The following ACO2 variants were observed in gnomAD, a reference collection of about 807,000 sequenced individuals.
ACO2 encodes aconitase 2.
In ACO2, 31 loss-of-function variants were observed where a neutral mutation model predicts 84.5. The observed-to-expected ratio is 0.37, with a 90% CI of 0.28 to 0.50. ACO2 has a LOEUF of 0.50. Ranked by LOEUF, ACO2 falls within the 20% of genes least tolerant of loss-of-function variation. ACO2 has a pLI of 0.97. For synonymous variants in ACO2, 414 were observed against 412.7 expected, an observed-to-expected ratio of 1.00 and a Z score of -0.04; for missense variants, 685 against 1,029.3, an observed-to-expected ratio of 0.67 and a Z score of 4.58.
rs375439516 is a variant in ACO2, at chr22:41,508,063, G to A, written c.432+14G>A. ...CGCCGGGCCAAGGTGAGCAGAAGGT[G>A]GCTTTGGGGGTGGGCAAGTGGGCAA... is the stretch of plus-strand genomic sequence containing the variant. On this transcript the variant is annotated intron_variant, in intron 3 of 17. Coordinates refer to ENST00000216254, the MANE Select transcript of ACO2 (RefSeq NM_001098.3). 28 of 1,601,054 alleles carry A rather than the reference G, an allele frequency of 1.7e-5. No individual in the cohort carries two copies. Among genetic ancestry groups the A allele is most frequent in the Non-Finnish European group, 2.4e-5 (28 of 1,170,070 alleles).
chr22:41,510,398 TATTA>T (rs2066425165), intron 3 of ACO2, among the ~76,000 whole-genome samples: 1 of 152,230 alleles, frequency 6.6e-6, no homozygotes, highest in Admixed American at 6.5e-5. Flanking sequence ...AAAGCTGATG[TATTA>T]ATTATTAATT....
At chr22:41,472,982 G>T (rs924402273) in intron 1 of ACO2, among the ~76,000 whole-genome samples, 1 of 152,212 alleles carries the variant, frequency 6.6e-6, no homozygotes, top group African/African-American at 2.4e-5. Context: ...ATATTTGGCA[G>T]AAACTCTGTG....
chr22:41,492,033 T>C lies in ACO2; in HGVS notation c.37-7693T>C, dbSNP rs568369216. ...AGAGACCTGAGCTTGCATCCTGGAG[T>C]CAACTGCATACCAGCTATCGAATTC... On this transcript the variant is annotated intron_variant, in intron 1 of 17. Coordinates refer to ENST00000216254, the MANE Select transcript of ACO2 (RefSeq NM_001098.3). 4.6e-5 allele frequency among the ~76,000 whole-genome samples: 7 copies of C among 152,112 alleles called. No homozygotes were observed. The South Asian group carries it at 1.5e-3, about 32-fold the overall frequency.
At chr22:41,487,068 G>A (rs1024980915) in intron 1 of ACO2, among the ~76,000 whole-genome samples, 2 of 151,966 alleles carry the variant, frequency 1.3e-5, no homozygotes, top group African/African-American at 4.8e-5. Context: ...ATTTTTGATA[G>A]AGACAGGGTT....
intron 6 of ACO2, among the ~76,000 whole-genome samples, chr22:41,516,940 G>A (rs1030084440): frequency 6.6e-6 from 1 of 151,984 alleles, no homozygotes; most frequent in African/African-American, 2.4e-5. Flanking sequence ...ATGTTGGCCA[G>A]GCTGGTCTCA....
intron 2 of ACO2, among the ~76,000 whole-genome samples, chr22:41,500,218 A>G (rs545563512): frequency 1.3e-5 from 2 of 152,188 alleles, no homozygotes; most frequent in South Asian, 2.1e-4. Flanking sequence ...ATCATCTTCT[A>G]TTTCCTCTTC....
rs1184005805 is a variant in ACO2 at position 41,491,399 on chromosome 22, AC to A, written c.37-8325del. On this transcript the variant is annotated intron_variant, in intron 1 of 17. Coordinates refer to ENST00000216254, the MANE Select transcript of ACO2 (RefSeq NM_001098.3). ...TAATCTGGAGAGGAGAAAGAGAGGCACCTAAATAAATCAGTTTAGAGTTTTA... is the reference window on the plus strand; with the variant it reads ...TAATCTGGAGAGGAGAAAGAGAGGCACTAAATAAATCAGTTTAGAGTTTTA... Among the ~76,000 whole-genome samples, 3 of 152,202 alleles carry A rather than the reference AC, an allele frequency of 2.0e-5. No homozygotes were observed. The South Asian group carries it at 6.2e-4, about 32-fold the overall frequency.
chr22:41,485,597 C>G (rs1050948487), intron 1 of ACO2, among the ~76,000 whole-genome samples: 1 of 151,996 alleles, frequency 6.6e-6, no homozygotes, highest in Non-Finnish European at 1.5e-5. Flanking sequence ...CCCACCACCA[C>G]GCCCGGCAAA....
chr22:41,511,916 G>T lies in ACO2; in HGVS notation c.473G>T (p.Gly158Val). The T allele has an allele frequency of 6.2e-7, 1 of 1,611,352 alleles. No individual in the cohort carries two copies. Among genetic ancestry groups the T allele is most frequent in the Non-Finnish European group, 8.5e-7 (1 of 1,179,044 alleles). The change falls in exon 4 of 18, where the codon GGT becomes GTT. Residue 158 changes from glycine (G) to valine (V), a missense_variant. By Grantham distance (109) the Gly-to-Val change is moderately radical. Coordinates refer to ENST00000216254, the MANE Select transcript of ACO2 (RefSeq NM_001098.3). Reference sequence around the variant, plus strand: ...GTTTATAATTTCCTGGCAACTGCAGGTGCCAAATATGGCGTGGGCTTCTGG... The same window carrying T: ...GTTTATAATTTCCTGGCAACTGCAGTTGCCAAATATGGCGTGGGCTTCTGG... ...QEVYNFLATA[G>V]AKYGVGFWKP... is the part of the protein sequence containing the mutation.
chr22:41,504,723 T>C (rs1367464395), intron 2 of ACO2, among the ~76,000 whole-genome samples: 2 of 141,150 alleles, frequency 1.4e-5, no homozygotes, highest in African/African-American at 5.3e-5. Flanking sequence ...TTTTTTTTTT[T>C]TTTTTTTTTT....
intron 2 of ACO2, among the ~76,000 whole-genome samples, chr22:41,503,717 T>C (rs995843456): frequency 5.9e-5 from 9 of 152,118 alleles, no homozygotes; most frequent in African/African-American, 2.2e-4. Context: ...TGGTGATGTC[T>C]AGAGATATTT....
intron 2 of ACO2, among the ~76,000 whole-genome samples, chr22:41,501,138 G>A (rs2066351040): frequency 6.6e-6 from 1 of 152,024 alleles, no homozygotes; most frequent in South Asian, 2.1e-4. Context: ...TGAGTACCTG[G>A]GACCACAGGC....
intron 1 of ACO2, among the ~76,000 whole-genome samples, chr22:41,472,308 G>C: frequency 6.6e-6 from 1 of 151,108 alleles, no homozygotes; most frequent in Non-Finnish European, 1.5e-5. Flanking sequence ...AGCCGAGATC[G>C]CGCCACTGCA....
At chr22:41,497,810 G>A (rs2066325614) in intron 1 of ACO2, among the ~76,000 whole-genome samples, 1 of 152,012 alleles carries the variant, frequency 6.6e-6, no homozygotes, top group Non-Finnish European at 1.5e-5. Flanking sequence ...TTGAACCCGT[G>A]AGGTGGAGGT....
chr22:41,476,603 G>A (rs1344329247), intron 1 of ACO2, among the ~76,000 whole-genome samples: 2 of 150,696 alleles, frequency 1.3e-5, no homozygotes, highest in East Asian at 2.0e-4. Context: ...CCAGCTACTC[G>A]GGAGGCTGAG....
intron 2 of ACO2, among the ~76,000 whole-genome samples, chr22:41,506,938 C>A (rs1009739803): frequency 6.6e-6 from 1 of 151,954 alleles, no homozygotes; most frequent in East Asian, 1.9e-4. Flanking sequence ...TCAGCCGGAA[C>A]GTTGAGCCTG....
chr22:41,505,071 G>T (rs1184780564), intron 2 of ACO2, among the ~76,000 whole-genome samples: 1 of 151,900 alleles, frequency 6.6e-6, no homozygotes, highest in Non-Finnish European at 1.5e-5. Context: ...CTGGAACCCA[G>T]CTTGCAGAAG....
chr22:41,480,182 G>T (rs941728125), intron 1 of ACO2, among the ~76,000 whole-genome samples: 1 of 152,226 alleles, frequency 6.6e-6, no homozygotes, highest in East Asian at 1.9e-4. Flanking sequence ...CCTTAGGAGG[G>T]TGTGGACTGA....
chr22:41,486,570 A>G (rs1601887564), intron 1 of ACO2, among the ~76,000 whole-genome samples: 2 of 144,296 alleles, frequency 1.4e-5, no homozygotes, highest in South Asian at 4.4e-4. Context: ...TCCCAGGTTC[A>G]TGCCATTCTC....
Sources: allele counts gnomAD v4.1 joint callset (sites outside exome capture counted in the v4.1 genomes callset), GRCh38; gene constraint gnomAD v4.1.1; transcripts MANE v1.5; gene names NCBI Gene and HGNC (gene_info 2026-07-23, HGNC 2026-07-21).